LTK: variants seen among roughly 807,000 people sequenced by gnomAD.
The protein encoded by LTK is leukocyte receptor tyrosine kinase.
Under a neutral mutation model 101.5 loss-of-function variants are expected in LTK, and 117 were observed. The ratio of observed to expected loss-of-function variants is 1.15; its 90% CI spans 0.99 to 1.34. LTK has a LOEUF of 1.34. Among genes scored for constraint, LTK ranks in the 40% most tolerant of loss-of-function variants. The pLI, the probability that LTK is intolerant of heterozygous loss-of-function variation, is 0.00. For synonymous variants in LTK, 563 were observed against 494.2 expected (o/e 1.14, Z -1.85); for missense variants, 1,252 against 1,164.7 (o/e 1.07, Z -1.09).
chr15:41,512,741 G>A lies in LTK; in HGVS notation c.325C>T (p.Gln109Ter), dbSNP rs765867587. Reference protein sequence around the residue: ...VGAAGQLRGVQLWRVPGPGQY... With the variant: ...VGAAGQLRGV ...CCAGGGCCCGGCACGCGCCACAGCT[G>A]CACGCCTCTCAGCTGCCCGGCGGCC... The change falls in exon 3 of 20, where the codon CAG (glutamine) becomes TAG (stop). Residue 109 changes from glutamine to a stop codon, truncating the protein, a stop_gained. Transcript: ENST00000263800. LOFTEE classifies it high-confidence loss of function. 6.2e-7 allele frequency: 1 copy of A among 1,606,988 alleles called. No homozygotes were observed. The highest frequency in any genetic ancestry group is 8.5e-7 in the Non-Finnish European group (1 of 1,178,224).
intron 11 of LTK, among the ~76,000 whole-genome samples, chr15:41,506,270 C>T (rs1213070695): frequency 6.6e-6 from 1 of 152,214 alleles, no homozygotes; most frequent in Non-Finnish European, 1.5e-5. Flanking sequence ...CTGCAGACGC[C>T]CTGGGCGGGA....
At position 41,507,108 on chromosome 15, in the gene LTK, CAT is replaced by C; in HGVS notation, c.1526_1527del (p.Asn509SerfsTer17). ...PPGVTEVSPA[N>X]VTLLRALGHG... ...CAGAAGACTTACCTGAGCAGAGTAA[CAT>C]TGGCTGGGGAAACCTCGGTGACACC... On this transcript the variant is annotated frameshift_variant, in exon 11 of 20. Transcript: ENST00000263800. LOFTEE classifies it high-confidence loss of function. The C allele has an allele frequency of 1.2e-6, 2 of 1,613,364 alleles. No individual in the cohort carries two copies. Among genetic ancestry groups the C allele is most frequent in the Non-Finnish European group, 1.7e-6 (2 of 1,179,850 alleles).
chr15:41,509,026 A>G lies in LTK; in HGVS notation c.1096+5T>C. ...CAGGCTCAGAGGTGGGGTTGGGGCC[A>G]ATACCTGCCAGAGGCTGCAGGAAGA... On this transcript the variant is annotated splice_donor_5th_base_variant and intron_variant, in intron 8 of 19. Coordinates refer to ENST00000263800, the MANE Select transcript of LTK (RefSeq NM_002344.6). The G allele has an allele frequency of 1.3e-6, 2 of 1,597,298 alleles. No individual in the cohort carries two copies. Among genetic ancestry groups the G allele is most frequent in the Non-Finnish European group, 1.7e-6 (2 of 1,170,648 alleles).
Position 41,507,658 on chromosome 15 carries a change from C to T in LTK, c.1250-1G>A. 1 of 1,612,442 alleles carries T rather than the reference C, an allele frequency of 6.2e-7. No individual in the cohort carries two copies. The highest frequency in any genetic ancestry group is 8.5e-7 in the Non-Finnish European group (1 of 1,179,444). On this transcript the variant is annotated splice_acceptor_variant, in intron 9 of 19. Coordinates refer to ENST00000263800, the MANE Select transcript of LTK (RefSeq NM_002344.6). LOFTEE classifies it high-confidence loss of function. ...AGAGGGCCTGGGGGCTTGTGCAGGT[C>T]TAGGGAGAAAGAGAGACACCTCCAG...
chr15:41,513,422 C>A (rs146388330), intron 1 of LTK, among the ~76,000 whole-genome samples: 109 of 152,366 alleles, frequency 7.2e-4, no homozygotes, highest in African/African-American at 2.5e-3. Context: ...GTGGCCCCGC[C>A]CCAAGGCGGT....
In LTK at chr15:41,511,419, C is replaced by T; in HGVS notation, c.814+3G>A. On this transcript the variant is annotated splice_donor_region_variant and intron_variant, in intron 6 of 19. Transcript: ENST00000263800. This position sits in a 1 kb window ranked among gnomAD's most constrained non-coding sequence, Gnocchi z 5.9. Reference sequence around the variant, plus strand: ...CGCCTCTCCCCGCGGCCCGCGCCCTCACCTGCCGCCCCGCCTCTCCCGCCG... The same window carrying T: ...CGCCTCTCCCCGCGGCCCGCGCCCTTACCTGCCGCCCCGCCTCTCCCGCCG... The T allele has an allele frequency of 1.4e-6, 2 of 1,384,368 alleles. No individual in the cohort carries two copies. Among genetic ancestry groups the T allele is most frequent in the Non-Finnish European group, 1.9e-6 (2 of 1,077,866 alleles). 85.8% of individuals were successfully genotyped at this position (1,384,368 alleles called of 1,614,324 possible). A position where few individuals can be genotyped will look rare whatever the true frequency, so the allele number is the denominator to read the frequency against.
intron 12 of LTK, 47 bp from the exon 13 acceptor site, chr15:41,505,824 GGA>G: frequency 6.2e-7 from 1 of 1,607,472 alleles, no homozygotes; most frequent in Admixed American, 1.7e-5. Flanking sequence ...GCACGCTTCA[GGA>G]GAGGGGGTTA....
chr15:41,505,049 C>G lies in LTK; in HGVS notation c.1941G>C (p.Arg647=). 3 of 1,613,262 alleles carry G rather than the reference C, an allele frequency of 1.9e-6. No individual in the cohort carries two copies. Among genetic ancestry groups the G allele is most frequent in the East Asian group, 2.2e-5 (1 of 44,868 alleles). Residue 647 remains arginine, a synonymous_variant, in exon 16 of 20, where the codon CGG becomes CGC. Transcript: ENST00000263800. ...GTCCAGCGCAGCTCAGCAGGCAGTT[C>G]CGGGCGGCAATATCCCTACAGAGTA... ...NHFIHRDIAA[R]NCLLSCAGPS... is the part of the protein sequence containing the mutation.
chr15:41,508,031 C>A, intron 9 of LTK, 38 bp downstream of exon 9: 1 of 1,547,986 alleles, frequency 6.5e-7, no homozygotes. Flanking sequence ...CAGTCTGTGA[C>A]CCCAGGAGTC....
intron 16 of LTK, 31 bp downstream of exon 16, chr15:41,504,941 C>A: frequency 6.3e-7 from 1 of 1,598,798 alleles, no homozygotes; most frequent in Non-Finnish European, 8.5e-7. Flanking sequence ...CCCCTTGGAG[C>A]AAGAGCCTTC....
chr15:41,512,202 G>A lies in LTK; in HGVS notation c.423C>T (p.Gly141=), dbSNP rs2051500434. 1 of 1,613,110 alleles carries A rather than the reference G, an allele frequency of 6.2e-7. No individual in the cohort carries two copies. The highest frequency in any genetic ancestry group is 8.5e-7 in the Non-Finnish European group (1 of 1,179,822). ...GGGAGAAGATTGCTGAGACGAAGAC[G>A]CCATGCGCCCGCGACAGGTGGTTCT... ...GAKNHLSRAH[G]VFVSAIFSLG... The change falls in exon 4 of 20, where the codon GGC becomes GGT. Residue 141 remains glycine, a synonymous_variant. Transcript: ENST00000263800.
intron 7 of LTK, among the ~76,000 whole-genome samples, chr15:41,509,832 C>T (rs756514184): frequency 1.3e-5 from 2 of 151,846 alleles, no homozygotes; most frequent in Non-Finnish European, 2.9e-5. Flanking sequence ...TGCACTCCAG[C>T]CTGGGCAACA....
intron 15 of LTK, 40 bp from the exon 16 acceptor site, chr15:41,505,104 A>G (rs1283716292): frequency 1.3e-6 from 2 of 1,587,326 alleles, no homozygotes; most frequent in Middle Eastern, 3.4e-4. Context: ...AGAATCTAGA[A>G]GTTCTTGCTC....
intron 3 of LTK, among the ~76,000 whole-genome samples, 155 bp from the exon 4 acceptor site, chr15:41,512,420 C>T (rs1293520214): frequency 6.6e-6 from 1 of 152,188 alleles, no homozygotes; most frequent in Non-Finnish European, 1.5e-5. Flanking sequence ...TAGGTTTGCA[C>T]ACCGAAAAAT....
In LTK at chr15:41,511,905, G is replaced by A. The variant is rs2051479933; in HGVS notation, c.569C>T (p.Ala190Val). The stretch of plus-strand genomic sequence containing the variant: ...GACCCCTTCGCTCCCATCCATCGCC[G>A]CGTGCTCTTCAACGGCTCGAGACTC... ...LGESRAVEEH[A>V]AMDGSEGVPG... The change falls in exon 5 of 20, where the codon GCG (alanine) becomes GTG (valine). Residue 190 changes from alanine to valine, a missense_variant. Coordinates refer to ENST00000263800, the MANE Select transcript of LTK (RefSeq NM_002344.6). This position sits in a 1 kb window ranked among gnomAD's most constrained non-coding sequence, Gnocchi z 5.9. The A allele has an allele frequency of 1.5e-6, 2 of 1,341,952 alleles. No homozygotes were observed. The highest frequency in any genetic ancestry group is 3.2e-5 in the Admixed American group (1 of 31,540). 83.1% of individuals were successfully genotyped at this position (1,341,952 alleles called of 1,614,324 possible). A position where few individuals can be genotyped will look rare whatever the true frequency, so the allele number is the denominator to read the frequency against.
Position 41,511,491 on chromosome 15 carries a change from G to A in LTK, c.745C>T (p.Gln249Ter), listed in dbSNP as rs1483163922. Residue 249 changes from glutamine (Q) to a stop codon, truncating the protein, a stop_gained, in exon 6 of 20, where the codon CAG becomes TAG. Transcript: ENST00000263800. LOFTEE classifies it high-confidence loss of function. This position sits in a 1 kb window ranked among gnomAD's most constrained non-coding sequence, Gnocchi z 5.9. ...YLRPRDRGRT[Q>*]ASPEKLENRS... is the part of the protein sequence containing the mutation. Reference sequence around the variant, plus strand: ...TTCTCCAGTTTCTCGGGGGAGGCCTGAGTCCGGCCTCGGTCCCGCGGCCTC... The same window carrying A: ...TTCTCCAGTTTCTCGGGGGAGGCCTAAGTCCGGCCTCGGTCCCGCGGCCTC... The A allele has an allele frequency of 2.7e-6, 4 of 1,474,610 alleles. No homozygotes were observed. Among genetic ancestry groups the A allele is most frequent in the Middle Eastern group, 4.0e-4 (2 of 4,942 alleles). The allele number at this position is 1,474,610 out of a possible 1,614,324, so 91.3% of individuals were successfully genotyped here.
At chr15:41,506,368 G>A (rs530666111) in intron 11 of LTK, among the ~76,000 whole-genome samples, 48 of 151,982 alleles carry the variant, frequency 3.2e-4, no homozygotes, top group Admixed American at 5.9e-4. Flanking sequence ...GCAATAGCGC[G>A]ATCTCGGCTC....
In LTK at chr15:41,509,626, C is replaced by T. The variant is rs1291314195; in HGVS notation, c.998-497G>A. On this transcript the variant is annotated intron_variant, in intron 7 of 19. Transcript: ENST00000263800. ...CTGTAATCCCAGCACTTTGGGAGGC[C>T]GACATGGGCGGATTACGAGGTCAGG... Among the ~76,000 whole-genome samples the T allele has an allele frequency of 2.0e-5, 3 of 152,084 alleles. No individual in the cohort carries two copies. In the South Asian group the frequency reaches 6.3e-4, roughly 32 times the overall value.
chr15:41,511,228 C>T lies in LTK; in HGVS notation c.933G>A (p.Ala311=). The part of the protein sequence containing the change: ...SEAWATLGWA[A]AGGFGGGGGA... ...CGCCGCCGCCCCCGAAGCCGCCGGC[C>T]GCGGCCCAGCCAAGGGTCGCCCAAG... Residue 311 remains alanine, a synonymous_variant, in exon 7 of 20, where the codon GCG becomes GCA. Transcript: ENST00000263800. This position sits in a 1 kb window ranked among gnomAD's most constrained non-coding sequence, Gnocchi z 5.9. 1 of 1,403,148 alleles carries T rather than the reference C, an allele frequency of 7.1e-7. No individual in the cohort carries two copies. Among genetic ancestry groups the T allele is most frequent in the South Asian group, 1.5e-5 (1 of 66,086 alleles). 86.9% of individuals were successfully genotyped at this position (1,403,148 alleles called of 1,614,324 possible). A position where few individuals can be genotyped will look rare whatever the true frequency, so the allele number is the denominator to read the frequency against.
Sources: allele counts gnomAD v4.1 joint callset (sites outside exome capture counted in the v4.1 genomes callset), GRCh38; gene constraint gnomAD v4.1.1; non-coding constraint Gnocchi (gnomAD v3.1); transcripts MANE v1.5; gene names NCBI Gene and HGNC (gene_info 2026-07-23, HGNC 2026-07-21).